The following GALNTL6 variants were observed in gnomAD, a reference collection of about 807,000 sequenced individuals.
GALNTL6 encodes polypeptide N-acetylgalactosaminyltransferase like 6.
A neutral mutation model predicts 73.7 loss-of-function variants in GALNTL6; 46 were observed. That is an observed-to-expected ratio of 0.62 (90% CI 0.49 to 0.80). The LOEUF is 0.80. GALNTL6 is among the 30% of genes least tolerant of loss of function. The pLI, the probability that GALNTL6 is intolerant of heterozygous loss-of-function variation, is 0.00. For synonymous variants in GALNTL6, 259 were observed against 263.7 expected (o/e 0.98, Z 0.17); for missense variants, 604 against 755.0 (o/e 0.80, Z 2.34).
At chr4:172,284,440 C>T (rs1400053936) in intron 3 of GALNTL6, among the ~76,000 whole-genome samples, 2 of 152,002 alleles carry the variant, frequency 1.3e-5, no homozygotes, top group Admixed American at 6.6e-5. Flanking sequence ...TGTGCACCCC[C>T]CTGCACCTAC....
chr4:172,513,194 A>G (rs1478562645), intron 5 of GALNTL6, among the ~76,000 whole-genome samples: 2 of 152,108 alleles, frequency 1.3e-5, no homozygotes, highest in African/African-American at 4.8e-5. Context: ...TTAATTGAAA[A>G]GCCTTGTCTT....
chr4:172,605,075 G>A (rs376417211), intron 5 of GALNTL6, among the ~76,000 whole-genome samples: 139 of 152,212 alleles, frequency 9.1e-4, no homozygotes, highest in African/African-American at 3.1e-3. Context: ...AAGATACCAC[G>A]GACGAATTGG....
At chr4:171,894,324 TC>T (rs1736847173) in intron 2 of GALNTL6, among the ~76,000 whole-genome samples, 1 of 152,028 alleles carries the variant, frequency 6.6e-6, no homozygotes, top group Non-Finnish European at 1.5e-5. Context: ...TAGGGCTCAC[TC>T]CCCAGGTGGG....
At chr4:172,922,198 C>A (rs1747830568) in intron 8 of GALNTL6, among the ~76,000 whole-genome samples, 1 of 152,200 alleles carries the variant, frequency 6.6e-6, no homozygotes, top group Admixed American at 6.5e-5. Context: ...GATTCTGAGG[C>A]CTCCCCTGCC....
At chr4:171,995,304 C>T (rs1015642731) in intron 2 of GALNTL6, among the ~76,000 whole-genome samples, 11 of 151,840 alleles carry the variant, frequency 7.2e-5, no homozygotes, top group South Asian at 2.1e-4. Flanking sequence ...ACATTTTAAC[C>T]GTTTAAATAT....
intron 2 of GALNTL6, among the ~76,000 whole-genome samples, chr4:172,041,363 GA>G (rs1295293132): frequency 2.0e-5 from 3 of 151,938 alleles, no homozygotes; most frequent in African/African-American, 4.8e-5. Context: ...ATTATATTAA[GA>G]AAAAATTCTA....
chr4:173,004,515 A>G (rs1468256341), intron 10 of GALNTL6, among the ~76,000 whole-genome samples: 1 of 151,972 alleles, frequency 6.6e-6, no homozygotes, highest in Non-Finnish European at 1.5e-5. Flanking sequence ...AATCCCAGCT[A>G]TTTGGGAGGC....
chr4:173,035,606 G>C (rs1162430480), intron 12 of GALNTL6, among the ~76,000 whole-genome samples: 1 of 152,236 alleles, frequency 6.6e-6, no homozygotes, highest in East Asian at 1.9e-4. Context: ...ATAAATATTT[G>C]TCAAACTCAA....
intron 10 of GALNTL6, among the ~76,000 whole-genome samples, chr4:173,002,429 C>T (rs1752082307): frequency 6.6e-6 from 1 of 151,456 alleles, no homozygotes; most frequent in Non-Finnish European, 1.5e-5. Context: ...TGCAAGTATC[C>T]ATCAATAGAT....
intron 2 of GALNTL6, among the ~76,000 whole-genome samples, chr4:171,896,272 TA>T (rs1399722574): frequency 1.3e-5 from 2 of 152,252 alleles, no homozygotes; most frequent in Admixed American, 1.3e-4. Flanking sequence ...TACTGCATAT[TA>T]CTGTTTAAAG....
chr4:173,034,224 T>C (rs1389585080), intron 12 of GALNTL6, among the ~76,000 whole-genome samples: 2 of 152,182 alleles, frequency 1.3e-5, no homozygotes, highest in East Asian at 3.9e-4. Context: ...ATCATTGCGG[T>C]AGCCTCTGGT....
intron 5 of GALNTL6, among the ~76,000 whole-genome samples, chr4:172,543,936 A>T: frequency 6.6e-6 from 1 of 152,218 alleles, no homozygotes; most frequent in Non-Finnish European, 1.5e-5. Context: ...TTGGCTCCTC[A>T]CAACAACCCT....
At chr4:172,264,876 G>T (rs1029691842) in intron 3 of GALNTL6, among the ~76,000 whole-genome samples, 1 of 149,070 alleles carries the variant, frequency 6.7e-6, no homozygotes, top group East Asian at 2.0e-4. Flanking sequence ...TTCTTGAAAA[G>T]CTGCATAGTT....
chr4:172,957,217 A>G (rs1447992514), intron 10 of GALNTL6, among the ~76,000 whole-genome samples: 1 of 152,222 alleles, frequency 6.6e-6, no homozygotes, highest in Admixed American at 6.5e-5. Flanking sequence ...TAGCGGATGG[A>G]ACACTGAGAA....
chr4:172,549,429 G>A (rs1194769269), intron 5 of GALNTL6, among the ~76,000 whole-genome samples: 1 of 152,058 alleles, frequency 6.6e-6, no homozygotes, highest in East Asian at 1.9e-4. Flanking sequence ...CTTCACTTGT[G>A]TTACCTTACG....
chr4:171,917,769 C>T (rs558945913), intron 2 of GALNTL6, among the ~76,000 whole-genome samples: 1 of 152,142 alleles, frequency 6.6e-6, no homozygotes, highest in South Asian at 2.1e-4. Flanking sequence ...CAGAAGGCTG[C>T]TTATACACTT....
intron 3 of GALNTL6, among the ~76,000 whole-genome samples, chr4:172,275,016 A>C (rs1157708306): frequency 6.6e-6 from 1 of 152,166 alleles, no homozygotes; most frequent in Non-Finnish European, 1.5e-5. Context: ...TATTGATTGA[A>C]TTATTTCTTC....
intron 5 of GALNTL6, among the ~76,000 whole-genome samples, chr4:172,396,284 G>A (rs185372847): frequency 4.7e-5 from 7 of 149,684 alleles, no homozygotes; most frequent in Non-Finnish European, 1.0e-4. Flanking sequence ...TCTAAAGCGT[G>A]CGTAACTGCA....
chr4:173,032,884 A>G (rs189805172), intron 12 of GALNTL6, among the ~76,000 whole-genome samples: 1 of 152,238 alleles, frequency 6.6e-6, no homozygotes, highest in African/African-American at 2.4e-5. Flanking sequence ...ACATCACTGG[A>G]CCACAGCCCA....
Sources: gnomAD v4.1 joint callset for allele counts (sites outside exome capture counted in the v4.1 genomes callset) on GRCh38, gnomAD v4.1.1 for gene constraint, MANE v1.5 for transcripts, NCBI Gene and HGNC (gene_info 2026-07-23, HGNC 2026-07-21) for gene names.